The following C1orf185 variants were observed in gnomAD, a reference collection of about 807,000 sequenced individuals.
The protein encoded by C1orf185 is chromosome 1 open reading frame 185.
A neutral mutation model predicts 16.1 loss-of-function variants in C1orf185; 13 were observed. The ratio of observed to expected loss-of-function variants is 0.81; its 90% CI spans 0.53 to 1.28. The LOEUF (loss-of-function observed/expected upper bound fraction) is 1.28, where lower values mean the gene tolerates loss of function less well. Ranked by LOEUF, C1orf185 falls within the 50% of genes most tolerant of loss-of-function variation. C1orf185 has a pLI of 0.00. For synonymous variants in C1orf185, 80 were observed against 76.9 expected, an observed-to-expected ratio of 1.04 and a Z score of -0.21; for missense variants, 220 against 225.2, an observed-to-expected ratio of 0.98 and a Z score of 0.15.
At chr1:51,134,685 T>C (rs781729130) in intron 3 of C1orf185, among the ~76,000 whole-genome samples, 17 of 152,098 alleles carry the variant, frequency 1.1e-4, no homozygotes, top group Non-Finnish European at 2.5e-4. Flanking sequence ...CAGTGACCCA[T>C]AGAAATACAA....
In C1orf185 at chr1:51,139,976, T is replaced by C. The variant is rs185351970; in HGVS notation, c.259-5748T>C. Among the ~76,000 whole-genome samples, 16 of 152,354 alleles carry C rather than the reference T, an allele frequency of 1.1e-4. No individual in the cohort carries two copies. The East Asian group carries it at 2.7e-3, about 26-fold the overall frequency. On this transcript the variant is annotated intron_variant, in intron 3 of 4. Coordinates refer to ENST00000371759, the MANE Select transcript of C1orf185 (RefSeq NM_001136508.2). Reference sequence around the variant, plus strand: ...GAACCACAGTGTTGGCCCTTAAAGCTTCTATCTAGAAGTGGTCACTTCTGC... The same window carrying C: ...GAACCACAGTGTTGGCCCTTAAAGCCTCTATCTAGAAGTGGTCACTTCTGC...
At chr1:51,141,567 G>A (rs1038736065) in intron 3 of C1orf185, among the ~76,000 whole-genome samples, 1 of 152,300 alleles carries the variant, frequency 6.6e-6, no homozygotes, top group South Asian at 2.1e-4. Context: ...GCACTAGTCA[G>A]TGTGGTAGAA....
At chr1:51,116,262 C>G (rs1204642461) in intron 2 of C1orf185, among the ~76,000 whole-genome samples, 1 of 151,972 alleles carries the variant, frequency 6.6e-6, no homozygotes, top group Admixed American at 6.6e-5. Flanking sequence ...AATCTTTTCT[C>G]CACACTTCTA....
At chr1:51,127,359 G>A (rs1020156725) in intron 3 of C1orf185, among the ~76,000 whole-genome samples, 4 of 151,976 alleles carry the variant, frequency 2.6e-5, no homozygotes, top group African/African-American at 9.7e-5. Context: ...TGCAATCTCA[G>A]CTCACTGCAA....
intron 1 of C1orf185, among the ~76,000 whole-genome samples, chr1:51,107,808 G>A (rs1036271419): frequency 6.6e-6 from 1 of 152,182 alleles, no homozygotes; most frequent in Non-Finnish European, 1.5e-5. Flanking sequence ...ATCATGTTGT[G>A]CATAGTTGTA....
At chr1:51,124,808 A>G (rs1181744108) in intron 3 of C1orf185, among the ~76,000 whole-genome samples, 5 of 152,180 alleles carry the variant, frequency 3.3e-5, no homozygotes, top group African/African-American at 1.2e-4. Flanking sequence ...CACTTTTGTC[A>G]CCATCTGCTG....
chr1:51,138,487 G>C (rs992379983), intron 3 of C1orf185, among the ~76,000 whole-genome samples: 2 of 151,856 alleles, frequency 1.3e-5, no homozygotes, highest in African/African-American at 4.8e-5. Context: ...CTGCCTCCCG[G>C]GTTCACGCCA....
At chr1:51,116,450 G>A (rs1224221649) in intron 2 of C1orf185, among the ~76,000 whole-genome samples, 2 of 151,656 alleles carry the variant, frequency 1.3e-5, no homozygotes, top group Non-Finnish European at 2.9e-5. Context: ...AGTAGCTGGG[G>A]CTACAGGTGC....
chr1:51,125,458 G>T (rs1380578312), intron 3 of C1orf185, among the ~76,000 whole-genome samples: 1 of 152,086 alleles, frequency 6.6e-6, no homozygotes, highest in Non-Finnish European at 1.5e-5. Flanking sequence ...TCCAGGAGGA[G>T]GCAATACTTT....
At chr1:51,107,915 T>C (rs1019020504) in intron 1 of C1orf185, among the ~76,000 whole-genome samples, 6 of 152,264 alleles carry the variant, frequency 3.9e-5, no homozygotes, top group Non-Finnish European at 1.5e-5. Flanking sequence ...TTGGACAGTT[T>C]CCAATTTGTG....
intron 2 of C1orf185, among the ~76,000 whole-genome samples, chr1:51,114,275 T>C (rs920122817): frequency 6.6e-6 from 1 of 152,238 alleles, no homozygotes; most frequent in Non-Finnish European, 1.5e-5. Flanking sequence ...GGATTTTATT[T>C]GTGCCATTGG....
At chr1:51,135,708 T>A (rs1022562475) in intron 3 of C1orf185, among the ~76,000 whole-genome samples, 5 of 152,198 alleles carry the variant, frequency 3.3e-5, no homozygotes, top group African/African-American at 1.2e-4. Flanking sequence ...TCATACTGAA[T>A]GGGCAGAAGC....
intron 3 of C1orf185, among the ~76,000 whole-genome samples, chr1:51,141,860 A>G (rs151174363): frequency 9.2e-5 from 14 of 152,210 alleles, no homozygotes; most frequent in Non-Finnish European, 1.5e-4. Context: ...GAGATGGAGT[A>G]TCGCTCTGTT....
intron 3 of C1orf185, among the ~76,000 whole-genome samples, chr1:51,137,014 A>G (rs1646330328): frequency 1.3e-5 from 2 of 152,226 alleles, no homozygotes; most frequent in Non-Finnish European, 2.9e-5. Flanking sequence ...TGCATCTGAC[A>G]AAGGTCTAAT....
At chr1:51,121,323 C>T (rs965067165) in intron 3 of C1orf185, among the ~76,000 whole-genome samples, 8 of 152,070 alleles carry the variant, frequency 5.3e-5, no homozygotes, top group East Asian at 1.9e-4. Context: ...TCTGCTTCTA[C>T]GAGTTCAACT....
chr1:51,125,331 G>T (rs922079011), intron 3 of C1orf185, among the ~76,000 whole-genome samples: 60 of 152,226 alleles, frequency 3.9e-4, no homozygotes, highest in African/African-American at 1.3e-3. Flanking sequence ...CTCCTCTTAG[G>T]CTTGTGAGGA....
intron 3 of C1orf185, among the ~76,000 whole-genome samples, chr1:51,121,273 A>G (rs59851927): frequency 0.13 from 19,700 of 151,974 alleles, 2,388 homozygotes; most frequent in African/African-American, 0.32. Flanking sequence ...TGCCACCCCC[A>G]GCCCCTGGTA....
chr1:51,124,923 C>T (rs892119128), intron 3 of C1orf185, among the ~76,000 whole-genome samples: 1 of 152,184 alleles, frequency 6.6e-6, no homozygotes, highest in African/African-American at 2.4e-5. Flanking sequence ...ACCTCATTCC[C>T]CACCTCAGAG....
chr1:51,115,804 T>C (rs1646153378), intron 2 of C1orf185, among the ~76,000 whole-genome samples: 3 of 152,312 alleles, frequency 2.0e-5, no homozygotes, highest in Non-Finnish European at 4.4e-5. Context: ...GTTTACGGTG[T>C]CTTGCACTAA....
Sources: allele counts gnomAD v4.1 joint callset (sites outside exome capture counted in the v4.1 genomes callset), GRCh38; gene constraint gnomAD v4.1.1; transcripts MANE v1.5; gene names NCBI Gene and HGNC (gene_info 2026-07-23, HGNC 2026-07-21).